NCALD: variants seen among roughly 807,000 people sequenced by gnomAD.
NCALD encodes neurocalcin-delta.
Under a neutral mutation model 18.6 loss-of-function variants are expected in NCALD, and 10 were observed. The ratio of observed to expected loss-of-function variants is 0.54; its 90% confidence interval spans 0.33 to 0.91. NCALD has a LOEUF of 0.91. Ranked by LOEUF, NCALD falls within the 40% of genes least tolerant of loss-of-function variation. The pLI, the probability that NCALD is intolerant of heterozygous loss-of-function variation, is 0.03. For missense variants in NCALD, 184 were observed against 247.6 expected (o/e 0.74, Z 1.72); for synonymous variants, 88 against 87.4 (o/e 1.01, Z -0.04).
intron 2 of NCALD, among the ~76,000 whole-genome samples, chr8:101,991,539 G>A (rs1051223356): frequency 6.6e-6 from 1 of 152,164 alleles, no homozygotes; most frequent in African/African-American, 2.4e-5. Context: ...GACATAAATA[G>A]TACCAATTCA....
intron 1 of NCALD, among the ~76,000 whole-genome samples, chr8:101,746,618 C>T (rs1810434984): frequency 6.6e-6 from 1 of 152,028 alleles, no homozygotes. Flanking sequence ...AAATATTTTC[C>T]TTCAATGTTT....
At chr8:102,092,800 T>A (rs1824966517) in intron 1 of NCALD, among the ~76,000 whole-genome samples, 1 of 152,230 alleles carries the variant, frequency 6.6e-6, no homozygotes, top group Admixed American at 6.5e-5. Context: ...ACAGCCTTCC[T>A]TAGCTCTACA....
intron 2 of NCALD, among the ~76,000 whole-genome samples, chr8:101,986,037 TTTC>T (rs1176474047): frequency 1.3e-5 from 2 of 151,976 alleles, no homozygotes; most frequent in Admixed American, 1.3e-4. Context: ...TTCCTTTCCT[TTTC>T]TTTTTTCTAT....
intron 1 of NCALD, among the ~76,000 whole-genome samples, chr8:101,769,964 G>C (rs1360781517): frequency 6.6e-6 from 1 of 152,134 alleles, no homozygotes; most frequent in East Asian, 1.9e-4. Flanking sequence ...CTCAGAGACG[G>C]AATTCTAACA....
At position 102,030,877 on chromosome 8, in the gene NCALD, A is replaced by G. The variant is rs190364633; in HGVS notation, c.-209-10588T>C. Among the ~76,000 whole-genome samples, 67 of 148,254 alleles carry G rather than the reference A, an allele frequency of 4.5e-4. 2 individuals carry two copies. The East Asian group carries it at 0.011, about 25-fold the overall frequency. Reference sequence around the variant, plus strand: ...GGCAACAGAGTGAGACTCCATCACAAAAAATAAATAAATAAATAAATAAAT... The same window carrying G: ...GGCAACAGAGTGAGACTCCATCACAGAAAATAAATAAATAAATAAATAAAT... On this transcript the variant is annotated intron_variant, in intron 1 of 6. Transcript: ENST00000311028.
chr8:101,792,403 A>G (rs893767097), upstream of NCALD, among the ~76,000 whole-genome samples: 9 of 152,144 alleles, frequency 5.9e-5, no homozygotes, highest in African/African-American at 2.2e-4. Context: ...CCCAGCCCCA[A>G]TTGGGAGAAA....
chr8:102,053,416 T>C (rs1295236212), intron 1 of NCALD, among the ~76,000 whole-genome samples: 1 of 152,160 alleles, frequency 6.6e-6, no homozygotes, highest in African/African-American at 2.4e-5. Context: ...AGCAGTTAAG[T>C]AGGAAGAGAG....
chr8:101,923,069 G>C (rs1818220279), intron 2 of NCALD, among the ~76,000 whole-genome samples: 1 of 151,990 alleles, frequency 6.6e-6, no homozygotes, highest in African/African-American at 2.4e-5. Context: ...TGGAATTAAG[G>C]CTCCTATAAA....
intron 1 of NCALD, among the ~76,000 whole-genome samples, chr8:102,118,723 G>A (rs1825861228): frequency 6.6e-6 from 1 of 151,014 alleles, no homozygotes; most frequent in Non-Finnish European, 1.5e-5. Context: ...TAACTTCTCT[G>A]CTGCTTTCCT....
chr8:101,696,819 T>C (rs533378220), intron 2 of NCALD, among the ~76,000 whole-genome samples: 5 of 112,828 alleles, frequency 4.4e-5, no homozygotes, highest in African/African-American at 1.2e-4. Context: ...GGGAAATTTA[T>C]AGCACTAAAT....
intron 1 of NCALD, among the ~76,000 whole-genome samples, chr8:101,763,969 C>G (rs997671205): frequency 7.8e-5 from 1 of 12,760 alleles, no homozygotes; most frequent in Non-Finnish European, 2.8e-4. Context: ...TCTCTCTCCA[C>G]ACACACACAC....
intron 3 of NCALD, among the ~76,000 whole-genome samples, chr8:101,912,020 T>C (rs1817819544): frequency 6.6e-6 from 1 of 152,184 alleles, no homozygotes; most frequent in African/African-American, 2.4e-5. Context: ...ATATACATTT[T>C]TGAGGTCCTA....
chr8:102,084,172 CTTA>C (rs1398106214), intron 1 of NCALD, among the ~76,000 whole-genome samples: 2 of 152,192 alleles, frequency 1.3e-5, no homozygotes, highest in African/African-American at 4.8e-5. Flanking sequence ...ATTACTTTCA[CTTA>C]TGTATCCTGA....
At chr8:102,090,166 A>C (rs1824878524) in intron 1 of NCALD, among the ~76,000 whole-genome samples, 2 of 152,166 alleles carry the variant, frequency 1.3e-5, no homozygotes, top group African/African-American at 4.8e-5. Flanking sequence ...TATTTGCATA[A>C]ATGTGTTATT....
chr8:102,041,088 C>G (rs1363794139), intron 1 of NCALD, among the ~76,000 whole-genome samples: 1 of 152,160 alleles, frequency 6.6e-6, no homozygotes, highest in African/African-American at 2.4e-5. Context: ...TTTTAAAGAA[C>G]AACTCTTACT....
intron 4 of NCALD, among the ~76,000 whole-genome samples, chr8:101,855,669 G>T (rs941867802): frequency 4.6e-5 from 7 of 152,128 alleles, no homozygotes; most frequent in African/African-American, 1.7e-4. Flanking sequence ...ATGCATCAGG[G>T]CCTCAGATGG....
chr8:101,895,131 C>T (rs1216304586), intron 3 of NCALD, among the ~76,000 whole-genome samples: 3 of 151,034 alleles, frequency 2.0e-5, no homozygotes, highest in Admixed American at 6.6e-5. Context: ...ACTAGCAAAA[C>T]GAATCCAGCA....
At chr8:101,960,531 C>T (rs1007284396) in intron 2 of NCALD, among the ~76,000 whole-genome samples, 7 of 152,148 alleles carry the variant, frequency 4.6e-5, no homozygotes, top group African/African-American at 7.2e-5. Context: ...GGAAACAGCT[C>T]AGCATGGGAT....
intron 1 of NCALD, among the ~76,000 whole-genome samples, chr8:102,070,404 C>G (rs547971956): frequency 1.3e-5 from 2 of 151,946 alleles, no homozygotes; most frequent in African/African-American, 4.8e-5. Context: ...TTTGATTTTT[C>G]TCTTTTCTAT....
Sources: allele counts gnomAD v4.1 joint callset (sites outside exome capture counted in the v4.1 genomes callset), GRCh38; gene constraint gnomAD v4.1.1; transcripts MANE v1.5; gene names NCBI Gene and HGNC (gene_info 2026-07-23, HGNC 2026-07-21).